Variants in ZFPM2 observed in about 807,000 individuals in gnomAD.
The protein encoded by ZFPM2 is zinc finger protein ZFPM2.
A neutral mutation model predicts 98.6 loss-of-function variants in ZFPM2; 20 were observed. That is an observed-to-expected ratio of 0.20 (90% CI 0.14 to 0.29). The LOEUF is 0.29. Among genes scored for constraint, ZFPM2 ranks in the 10% least tolerant of loss-of-function variants. The probability of loss-of-function intolerance (pLI) is 1.00; values close to 1 mark genes in which losing one functional copy is unlikely to be tolerated. For synonymous variants in ZFPM2, 518 were observed against 502.7 expected (o/e 1.03, Z -0.41); for missense variants, 1,310 against 1,388.6 (o/e 0.94, Z 0.90).
At chr8:105,796,150 A>G (rs1016858618) in intron 6 of ZFPM2, among the ~76,000 whole-genome samples, 1 of 152,182 alleles carries the variant, frequency 6.6e-6, no homozygotes, top group African/African-American at 2.4e-5. Flanking sequence ...CTTATGGTAA[A>G]TGTACTTATT....
intron 5 of ZFPM2, among the ~76,000 whole-genome samples, chr8:105,641,635 A>G (rs76960705): frequency 0.014 from 2,144 of 152,126 alleles, 26 homozygotes; most frequent in Middle Eastern, 0.027. Context: ...ATTTCTTACT[A>G]TGCATTTACT....
Position 105,644,283 on chromosome 8 carries a change from CTT to C in ZFPM2, c.532+9939_532+9940del, listed in dbSNP as rs749074804. Among the ~76,000 whole-genome samples the C allele has an allele frequency of 2.8e-3, 387 of 138,526 alleles. 1 individual carries two copies. The highest frequency in any genetic ancestry group is 9.1e-3 in the African/African-American group (341 of 37,300). The allele number at this position is 138,526 out of a possible 152,430, so 90.9% of individuals were successfully genotyped here. ...CATTGCTTTTATTTTTCTTTCTTTT[CTT>C]TTTTTTTTTTTTAAAAAAAAAACAG... On this transcript the variant is annotated intron_variant, in intron 5 of 7. Coordinates refer to ENST00000407775, the MANE Select transcript of ZFPM2 (RefSeq NM_012082.4).
rs61051244 is a variant in ZFPM2 at position 105,330,553 on chromosome 8, CATATATATATAT to C, written c.40+11576_40+11587del. Among the ~76,000 whole-genome samples, 294 of 92,440 alleles carry C rather than the reference CATATATATATAT, an allele frequency of 3.2e-3. 5 individuals are homozygous for C. The highest frequency in any genetic ancestry group is 0.011 in the African/African-American group (284 of 26,216). The allele number at this position is 92,440 out of a possible 152,430, so 60.6% of individuals were successfully genotyped here. A position where few individuals can be genotyped will look rare whatever the true frequency, so the allele number is the denominator to read the frequency against. ...CTCTCTCTCTCTATATATATATATACATATATATATATATACATATATATATACATATATATA... is the reference window on the plus strand; with the variant it reads ...CTCTCTCTCTCTATATATATATATACATACATATATATATACATATATATA... On this transcript the variant is annotated intron_variant, in intron 1 of 7. Coordinates refer to ENST00000407775, the MANE Select transcript of ZFPM2 (RefSeq NM_012082.4).
chr8:105,473,119 C>G (rs1812941373), intron 3 of ZFPM2, among the ~76,000 whole-genome samples: 1 of 151,894 alleles, frequency 6.6e-6, no homozygotes, highest in African/African-American at 2.4e-5. Flanking sequence ...TTAGGCTGGT[C>G]TTGAACTCCT....
At chr8:105,361,267 G>C (rs1446403501) in intron 1 of ZFPM2, among the ~76,000 whole-genome samples, 25 of 144,250 alleles carry the variant, frequency 1.7e-4, no homozygotes, top group African/African-American at 6.3e-4. Flanking sequence ...CTGCATAAAT[G>C]TCTTCTTTTG....
chr8:105,580,532 G>A (rs1481324367), intron 4 of ZFPM2, among the ~76,000 whole-genome samples: 1 of 151,928 alleles, frequency 6.6e-6, no homozygotes, highest in Non-Finnish European at 1.5e-5. Flanking sequence ...AAGGTTTAAG[G>A]TCAATGACTA....
intron 4 of ZFPM2, among the ~76,000 whole-genome samples, chr8:105,617,846 G>A (rs1029000785): frequency 4.7e-4 from 72 of 151,924 alleles, no homozygotes; most frequent in African/African-American, 1.6e-3. Flanking sequence ...CATCTCTACA[G>A]GTATAAAAAT....
intron 3 of ZFPM2, among the ~76,000 whole-genome samples, chr8:105,534,626 G>T (rs1000691544): frequency 5.9e-5 from 9 of 152,118 alleles, no homozygotes; most frequent in African/African-American, 1.9e-4. Context: ...AAGAGAAGGA[G>T]AAGAATATCT....
chr8:105,675,780 A>C (rs1810442257), intron 5 of ZFPM2: 1 of 152,172 alleles, frequency 6.6e-6, no homozygotes, highest in South Asian at 2.1e-4. Flanking sequence ...AAAACTTCTA[A>C]TTTCCATTTA....
intron 1 of ZFPM2, among the ~76,000 whole-genome samples, chr8:105,362,185 TC>T (rs1810413778): frequency 6.6e-6 from 1 of 152,112 alleles, no homozygotes; most frequent in South Asian, 2.1e-4. Context: ...ATTATAACTT[TC>T]AAGTCATCTA....
At chr8:105,444,514 G>T in intron 3 of ZFPM2, 133 bp downstream of exon 3, 2 of 494,866 alleles carry the variant, frequency 4.0e-6, no homozygotes, top group South Asian at 4.4e-5. Flanking sequence ...TTTAAATAAA[G>T]ATTATTATTT....
chr8:105,704,218 G>A (rs1002850887), intron 5 of ZFPM2, among the ~76,000 whole-genome samples: 2 of 152,108 alleles, frequency 1.3e-5, no homozygotes, highest in African/African-American at 4.8e-5. Flanking sequence ...TTGCATTACT[G>A]AAAATTTGGC....
intron 5 of ZFPM2, among the ~76,000 whole-genome samples, chr8:105,664,438 G>A (rs1166951706): frequency 9.2e-5 from 14 of 151,870 alleles, no homozygotes; most frequent in African/African-American, 1.2e-4. Flanking sequence ...GGGTTCAAGC[G>A]ATTCTCCTGC....
chr8:105,561,294 CACA>C (rs1282712600), intron 3 of ZFPM2, 66 bp from the exon 4 acceptor site: 52 of 1,200,606 alleles, frequency 4.3e-5, no homozygotes, highest in Non-Finnish European at 3.6e-6. Flanking sequence ...AAAGCAAACA[CACA>C]AAAAGAGGTG....
At chr8:105,516,322 T>C (rs1413119906) in intron 3 of ZFPM2, among the ~76,000 whole-genome samples, 1 of 152,218 alleles carries the variant, frequency 6.6e-6, no homozygotes, top group African/African-American at 2.4e-5. Flanking sequence ...AGAAATTGAA[T>C]GCTCATGGGA....
At chr8:105,415,477 C>T (rs772656008) in intron 1 of ZFPM2, among the ~76,000 whole-genome samples, 32 of 152,070 alleles carry the variant, frequency 2.1e-4, no homozygotes, top group African/African-American at 7.0e-4. Flanking sequence ...ACATGGAGCT[C>T]GGTCGTGAGC....
At chr8:105,343,514 C>A (rs1812465650) in intron 1 of ZFPM2, among the ~76,000 whole-genome samples, 1 of 152,214 alleles carries the variant, frequency 6.6e-6, no homozygotes, top group Non-Finnish European at 1.5e-5. Context: ...AAGGAATTAG[C>A]TTTCTTCCTT....
intron 1 of ZFPM2, among the ~76,000 whole-genome samples, chr8:105,336,697 C>T (rs1172611304): frequency 6.9e-5 from 10 of 144,742 alleles, no homozygotes; most frequent in African/African-American, 2.7e-4. Flanking sequence ...TCCACACACA[C>T]ACACACACAC....
chr8:105,517,738 CACA>C, intron 3 of ZFPM2, among the ~76,000 whole-genome samples: 1 of 151,504 alleles, frequency 6.6e-6, no homozygotes, highest in Middle Eastern at 3.4e-3. Context: ...CACACACACA[CACA>C]CCCCTAGTTG....
Sources: allele counts gnomAD v4.1 joint callset (sites outside exome capture counted in the v4.1 genomes callset), GRCh38; gene constraint gnomAD v4.1.1; transcripts MANE v1.5; gene names NCBI Gene and HGNC (gene_info 2026-07-23, HGNC 2026-07-21).